The following GHR variants were observed in gnomAD, a reference collection of about 807,000 sequenced individuals.
GHR encodes growth hormone receptor, also known as GH receptor.
Under a neutral mutation model 67.1 loss-of-function variants are expected in GHR, and 35 were observed. The ratio of observed to expected loss-of-function variants is 0.52; its 90% CI spans 0.40 to 0.69. The LOEUF is 0.69. Among genes scored for constraint, GHR ranks in the 30% least tolerant of loss-of-function variants. The pLI is 0.00. For synonymous variants in GHR, 272 were observed against 269.1 expected (o/e 1.01, Z -0.10); for missense variants, 792 against 764.6 (o/e 1.04, Z -0.42).
intron 1 of GHR, among the ~76,000 whole-genome samples, chr5:42,463,168 A>C: frequency 6.6e-6 from 1 of 152,192 alleles, no homozygotes. Flanking sequence ...AATATTACTG[A>C]GATAAATAAG....
intron 2 of GHR, among the ~76,000 whole-genome samples, chr5:42,606,227 A>G (rs1752624704): frequency 6.6e-6 from 1 of 152,148 alleles, no homozygotes; most frequent in African/African-American, 2.4e-5. Context: ...AAGTGCCCAC[A>G]CACTAGTGCC....
At chr5:42,579,185 TA>T (rs1289282347) in intron 2 of GHR, among the ~76,000 whole-genome samples, 1 of 150,430 alleles carries the variant, frequency 6.6e-6, no homozygotes, top group Non-Finnish European at 1.5e-5. Context: ...GATAGATAGA[TA>T]GATAGATAGA....
intron 3 of GHR, among the ~76,000 whole-genome samples, chr5:42,646,894 T>C (rs1003731647): frequency 2.0e-5 from 3 of 152,182 alleles, no homozygotes; most frequent in Admixed American, 6.5e-5. Context: ...CTTTCTCATA[T>C]TGGGGCTTGG....
intron 5 of GHR, among the ~76,000 whole-genome samples, chr5:42,695,391 C>T (rs1172615066): frequency 6.6e-6 from 1 of 152,140 alleles, no homozygotes; most frequent in Non-Finnish European, 1.5e-5. Flanking sequence ...TGTTCCACTG[C>T]AAAGGGTGAA....
intron 3 of GHR, among the ~76,000 whole-genome samples, chr5:42,650,582 T>TATATATATATATATATATATATATATAC (rs1343429919): frequency 6.9e-6 from 1 of 145,612 alleles, no homozygotes; most frequent in African/African-American, 2.6e-5. Context: ...AGATAACATA[T>TATATATATATATATATATATATATATAC]ATATATATAT....
intron 2 of GHR, among the ~76,000 whole-genome samples, chr5:42,591,631 G>T (rs1751782148): frequency 6.6e-6 from 1 of 151,918 alleles, no homozygotes; most frequent in Admixed American, 6.6e-5. Context: ...TCTCTGTGAG[G>T]GTCTACCTCC....
chr5:42,598,154 A>T (rs538637551), intron 2 of GHR, among the ~76,000 whole-genome samples: 34 of 152,236 alleles, frequency 2.2e-4, no homozygotes, highest in African/African-American at 8.2e-4. Context: ...AAGGTAGACA[A>T]AGTGTAGGAA....
chr5:42,644,321 A>G (rs1754624636), intron 3 of GHR, among the ~76,000 whole-genome samples: 1 of 152,200 alleles, frequency 6.6e-6, no homozygotes, highest in East Asian at 1.9e-4. Context: ...ATCTGAATCA[A>G]AGTAAGCCTC....
At chr5:42,678,791 A>T (rs887299530) in intron 3 of GHR, among the ~76,000 whole-genome samples, 4 of 151,952 alleles carry the variant, frequency 2.6e-5, no homozygotes, top group African/African-American at 9.7e-5. Context: ...TTAGTAAATC[A>T]ATTTATAGGG....
chr5:42,451,913 G>A (rs1402030065), intron 1 of GHR, among the ~76,000 whole-genome samples: 1 of 152,116 alleles, frequency 6.6e-6, no homozygotes, highest in Non-Finnish European at 1.5e-5. Context: ...TTCAATGTTA[G>A]TATTGACATA....
chr5:42,699,049 AAGAC>A (rs1050531759), intron 5 of GHR, among the ~76,000 whole-genome samples: 4 of 152,238 alleles, frequency 2.6e-5, no homozygotes, highest in African/African-American at 9.6e-5. Flanking sequence ...GACAGTCAAA[AAGAC>A]AGAAAACACT....
At chr5:42,490,815 T>A (rs1746083789) in intron 1 of GHR, among the ~76,000 whole-genome samples, 1 of 152,216 alleles carries the variant, frequency 6.6e-6, no homozygotes, top group African/African-American at 2.4e-5. Context: ...GAGGGTAGTG[T>A]GATGTTATAA....
At chr5:42,581,801 G>A (rs1312954071) in intron 2 of GHR, among the ~76,000 whole-genome samples, 1 of 152,136 alleles carries the variant, frequency 6.6e-6, no homozygotes, top group Non-Finnish European at 1.5e-5. Flanking sequence ...GAAGCCCAGT[G>A]CTCTTCAGGC....
At chr5:42,694,133 T>A (rs1238114742) in intron 4 of GHR, among the ~76,000 whole-genome samples, 1 of 152,184 alleles carries the variant, frequency 6.6e-6, no homozygotes, top group Non-Finnish European at 1.5e-5. Flanking sequence ...AGAGCAATCA[T>A]TCCCTCTTCT....
At chr5:42,570,642 G>T (rs538542440) in intron 2 of GHR, among the ~76,000 whole-genome samples, 2 of 152,246 alleles carry the variant, frequency 1.3e-5, no homozygotes, top group African/African-American at 4.8e-5. Context: ...TCTTCAGCCT[G>T]CAGAGTAGTT....
At chr5:42,482,209 C>T (rs567446181) in intron 1 of GHR, among the ~76,000 whole-genome samples, 4 of 152,220 alleles carry the variant, frequency 2.6e-5, no homozygotes, top group Admixed American at 6.5e-5. Context: ...ATTGGTGAAC[C>T]GCAAATGCTG....
At chr5:42,449,421 G>T (rs1743952854) in intron 1 of GHR, among the ~76,000 whole-genome samples, 1 of 152,080 alleles carries the variant, frequency 6.6e-6, no homozygotes, top group Admixed American at 6.6e-5. Flanking sequence ...TTGAGTTCTT[G>T]ATTTGACTCT....
At position 42,629,107 on chromosome 5, in the gene GHR, A is replaced by G; in HGVS notation, c.136+4A>G. The G allele has an allele frequency of 7.7e-7, 1 of 1,290,950 alleles. No homozygotes were observed. Among genetic ancestry groups the G allele is most frequent in the Non-Finnish European group, 1.1e-6 (1 of 915,992 alleles). 80.0% of individuals were successfully genotyped at this position (1,290,950 alleles called of 1,614,324 possible). A position where few individuals can be genotyped will look rare whatever the true frequency, so the allele number is the denominator to read the frequency against. On this transcript the variant is annotated splice_donor_region_variant and intron_variant, in intron 3 of 9. Transcript: ENST00000230882. The stretch of plus-strand genomic sequence containing the variant: ...GTTAATCCAGGCCTAAAGACAAGTA[A>G]GAATTTCAGTCCTTTTTCTTCCTTC...
At chr5:42,663,437 A>G (rs1312786104) in intron 3 of GHR, among the ~76,000 whole-genome samples, 2 of 152,266 alleles carry the variant, frequency 1.3e-5, no homozygotes, top group African/African-American at 4.8e-5. Flanking sequence ...AGGCTGGTTC[A>G]ATATTTGCAA....
Sources: gnomAD v4.1 joint callset for allele counts (sites outside exome capture counted in the v4.1 genomes callset) on GRCh38, gnomAD v4.1.1 for gene constraint, MANE v1.5 for transcripts, NCBI Gene and HGNC (gene_info 2026-07-23, HGNC 2026-07-21) for gene names.